SRPK2: variants seen among roughly 807,000 people sequenced by gnomAD.
The protein encoded by SRPK2 is SRSF protein kinase 2.
Under a neutral mutation model 90.8 loss-of-function variants are expected in SRPK2, and 21 were observed. That is an observed-to-expected ratio of 0.23 (90% CI 0.16 to 0.33). SRPK2 has a LOEUF of 0.33. Ranked by LOEUF, SRPK2 falls within the 10% of genes least tolerant of loss-of-function variation. The probability of loss-of-function intolerance (pLI) is 1.00; values close to 1 mark genes in which losing one functional copy is unlikely to be tolerated. For synonymous variants in SRPK2, 288 were observed against 311.1 expected, an observed-to-expected ratio of 0.93 and a Z score of 0.78; for missense variants, 620 against 869.0, an observed-to-expected ratio of 0.71 and a Z score of 3.60.
intron 2 of SRPK2, among the ~76,000 whole-genome samples, chr7:105,278,782 G>A (rs769850026): frequency 2.1e-4 from 32 of 151,858 alleles, no homozygotes; most frequent in Non-Finnish European, 3.8e-4. Context: ...AAAGGAGAAA[G>A]GGGAAGGCGA....
Position 105,326,970 on chromosome 7 carries a change from G to A in SRPK2, c.71+61678C>T, listed in dbSNP as rs1395816922. ...CCCAGCTACTCAGGAGGCTGAGGCAGGAGAAGCACTTGAACCCAGGAGGTG... is the reference window on the plus strand; with the variant it reads ...CCCAGCTACTCAGGAGGCTGAGGCAAGAGAAGCACTTGAACCCAGGAGGTG... On this transcript the variant is annotated intron_variant, in intron 2 of 15. Transcript: ENST00000393651. 4.0e-5 allele frequency among the ~76,000 whole-genome samples: 6 copies of A among 151,804 alleles called. No homozygotes were observed. The East Asian group carries it at 9.7e-4, about 25-fold the overall frequency.
intron 2 of SRPK2, among the ~76,000 whole-genome samples, chr7:105,218,807 G>A (rs1020058094): frequency 1.3e-5 from 2 of 152,064 alleles, no homozygotes; most frequent in East Asian, 3.8e-4. Flanking sequence ...TGGGGACTGA[G>A]TGACACCTTA....
At chr7:105,245,039 ACACAC>A in intron 2 of SRPK2, 3 of 262,900 alleles carry the variant, frequency 1.1e-5, no homozygotes, top group Non-Finnish European at 2.0e-5. Context: ...AAACAAACAC[ACACAC>A]ACACACACAC....
intron 11 of SRPK2, among the ~76,000 whole-genome samples, chr7:105,137,587 C>T (rs1463824811): frequency 6.6e-6 from 1 of 152,174 alleles, no homozygotes; most frequent in Non-Finnish European, 1.5e-5. Flanking sequence ...CAAAACCACC[C>T]TGTTCCAGGG....
At chr7:105,244,557 G>A in intron 2 of SRPK2, 2 of 573,910 alleles carry the variant, frequency 3.5e-6, no homozygotes, top group East Asian at 6.2e-5. Flanking sequence ...CTGGGCGACA[G>A]AACGAGACTC....
At chr7:105,228,609 G>A (rs1442300831) in intron 2 of SRPK2, among the ~76,000 whole-genome samples, 4 of 152,090 alleles carry the variant, frequency 2.6e-5, no homozygotes, top group South Asian at 4.1e-4. Flanking sequence ...CGCAGACAGC[G>A]GAACTAAGAG....
chr7:105,346,394 G>A (rs975488379), intron 2 of SRPK2, among the ~76,000 whole-genome samples: 3 of 152,038 alleles, frequency 2.0e-5, no homozygotes, highest in African/African-American at 4.8e-5. Flanking sequence ...CATGGTGACT[G>A]GAACACAGAG....
chr7:105,352,555 G>C (rs781432972), intron 2 of SRPK2, among the ~76,000 whole-genome samples: 1 of 152,210 alleles, frequency 6.6e-6, no homozygotes, highest in Non-Finnish European at 1.5e-5. Context: ...GATAAATGTT[G>C]CATTAAACCA....
chr7:105,270,302 C>T (rs1415564217), intron 2 of SRPK2, among the ~76,000 whole-genome samples: 1 of 152,028 alleles, frequency 6.6e-6, no homozygotes, highest in African/African-American at 2.4e-5. Flanking sequence ...GAGGATCAGG[C>T]ACATGGCGCC....
Position 105,388,667 on chromosome 7 carries a change from T to C in SRPK2, c.52A>G (p.Arg18Gly). 1.9e-6 allele frequency: 3 copies of C among 1,588,462 alleles called. No homozygotes were observed. The highest frequency in any genetic ancestry group is 1.7e-6 in the Non-Finnish European group (2 of 1,167,358). Residue 18 changes from arginine to glycine, a missense_variant, in exon 2 of 16, where the codon AGA (arginine) becomes GGA (glycine). By Grantham distance (125) the Arg-to-Gly change is moderately radical. Transcript: ENST00000393651. ...ACTCACTTTTTCGGATGTTTCTCTC[T>C]TTTCGGCCTCCGCTTTCGGGCCTGA... is the stretch of plus-strand genomic sequence containing the variant. ...AIQARKRRPK[R>G]EKHPKKPEPQ...
chr7:105,379,463 G>A (rs907068163), intron 2 of SRPK2, among the ~76,000 whole-genome samples: 2 of 152,036 alleles, frequency 1.3e-5, no homozygotes, highest in Non-Finnish European at 1.5e-5. Context: ...AGGGATGACT[G>A]TATATTCTAT....
intron 2 of SRPK2, chr7:105,301,377 T>C (rs1396120718): frequency 6.6e-6 from 4 of 603,882 alleles, no homozygotes; most frequent in Non-Finnish European, 8.8e-6. Flanking sequence ...GCACGCACGA[T>C]TGGCACCTGC....
intron 6 of SRPK2, among the ~76,000 whole-genome samples, chr7:105,162,224 T>C (rs1179204833): frequency 6.6e-6 from 1 of 152,138 alleles, no homozygotes; most frequent in African/African-American, 2.4e-5. Context: ...CCAGTTTTAG[T>C]AGAGACAGGG....
At chr7:105,359,680 T>C (rs1818210385) in intron 2 of SRPK2, among the ~76,000 whole-genome samples, 1 of 152,160 alleles carries the variant, frequency 6.6e-6, no homozygotes, top group African/African-American at 2.4e-5. Flanking sequence ...ATTCCTGTGG[T>C]GTGATGTCTA....
chr7:105,137,926 C>A (rs2129575863), intron 11 of SRPK2, among the ~76,000 whole-genome samples: 1 of 152,292 alleles, frequency 6.6e-6, no homozygotes, highest in East Asian at 1.9e-4. Context: ...GAAAACAAAA[C>A]ACACCTCCCA....
In SRPK2 at chr7:105,171,007, A is replaced by AAG. The variant is rs1444395789; in HGVS notation, c.230-1744_230-1743dup. Among the ~76,000 whole-genome samples, 43 of 131,650 alleles carry AAG rather than the reference A, an allele frequency of 3.3e-4. 1 individual carries two copies. The highest frequency in any genetic ancestry group is 8.6e-4 in the African/African-American group (34 of 39,580). 86.4% of individuals were successfully genotyped at this position (131,650 alleles called of 152,430 possible). On this transcript the variant is annotated intron_variant, in intron 3 of 15. Transcript: ENST00000393651. ...AGAAAGAAAGAAAGAGAAAGAAAGA[A>AAG]AGAAAGAGAGGAAGGAAGGAAGGAA...
intron 2 of SRPK2, among the ~76,000 whole-genome samples, chr7:105,344,927 G>T (rs1816279366): frequency 6.6e-6 from 1 of 151,560 alleles, no homozygotes; most frequent in Non-Finnish European, 1.5e-5. Flanking sequence ...CCAGAGGTCA[G>T]GAGTTCAAGA....
At chr7:105,389,534 T>C (rs957965929), upstream of SRPK2, 277 of 699,670 alleles carry the variant, frequency 4.0e-4, 1 homozygote, top group Non-Finnish European at 4.0e-4. Context: ...AAGATACAGA[T>C]AGCATTCAAG....
At chr7:105,120,932 C>T (rs1800256600) in intron 15 of SRPK2, among the ~76,000 whole-genome samples, 1 of 152,014 alleles carries the variant, frequency 6.6e-6, no homozygotes, top group Admixed American at 6.6e-5. Flanking sequence ...CAGATGATGC[C>T]CAAGAAATGT....
Sources: allele counts gnomAD v4.1 joint callset (sites outside exome capture counted in the v4.1 genomes callset), GRCh38; gene constraint gnomAD v4.1.1; transcripts MANE v1.5; gene names NCBI Gene and HGNC (gene_info 2026-07-23, HGNC 2026-07-21).